Variants in CAMK2D observed in about 807,000 individuals in gnomAD.
CAMK2D encodes calcium/calmodulin dependent protein kinase II delta.
A neutral mutation model predicts 84.0 loss-of-function variants in CAMK2D; 37 were observed. That is an observed-to-expected ratio of 0.44 (90% CI 0.34 to 0.58). The LOEUF (loss-of-function observed/expected upper bound fraction) is 0.58. Ranked by LOEUF, CAMK2D falls within the 20% of genes least tolerant of loss-of-function variation. The pLI is 0.02. For synonymous variants in CAMK2D, 202 were observed against 212.5 expected (o/e 0.95, Z 0.43); for missense variants, 448 against 652.5 (o/e 0.69, Z 3.41).
At chr4:113,552,650 A>G (rs2098637125) in intron 4 of CAMK2D, among the ~76,000 whole-genome samples, 1 of 152,264 alleles carries the variant, frequency 6.6e-6, no homozygotes, top group Non-Finnish European at 1.5e-5. Context: ...GCACCATGTC[A>G]TATCAGAAGC....
rs539128177 is a variant in CAMK2D at position 113,605,703 on chromosome 4, A to T, written c.275+3449T>A. On this transcript the variant is annotated intron_variant, in intron 4 of 20. Transcript: ENST00000511664. ...TGCTCCCAGTAAATATAGAAAAAAT[A>T]AAAATCCCTGCGTTCCAATAACCTC... Among the ~76,000 whole-genome samples the T allele has an allele frequency of 7.9e-5, 12 of 152,312 alleles. No homozygotes were observed. The South Asian group carries it at 2.1e-3, about 26-fold the overall frequency.
In CAMK2D at chr4:113,761,341, G is replaced by T; in HGVS notation, c.-273C>A. Reference sequence around the variant, plus strand: ...TTCTTCTCCACTGGACGCTCCACCCGCCCCTTTTCCAGTCCCTGTCCCCAA... The same window carrying T: ...TTCTTCTCCACTGGACGCTCCACCCTCCCCTTTTCCAGTCCCTGTCCCCAA... On this transcript the variant is annotated 5_prime_UTR_variant, in exon 1 of 21. Coordinates refer to ENST00000511664, the MANE Select transcript of CAMK2D (RefSeq NM_001321571.2). 7.2e-7 allele frequency: 1 copy of T among 1,385,944 alleles called. No individual in the cohort carries two copies. The highest frequency in any genetic ancestry group is 9.4e-7 in the Non-Finnish European group (1 of 1,068,732). 85.9% of individuals were successfully genotyped at this position (1,385,944 alleles called of 1,614,324 possible).
intron 16 of CAMK2D, among the ~76,000 whole-genome samples, chr4:113,490,174 T>C (rs1039115904): frequency 4.1e-5 from 6 of 146,920 alleles, no homozygotes; most frequent in Non-Finnish European, 9.0e-5. Context: ...ATTTTGGCTT[T>C]TGTTGCCATT....
chr4:113,753,863 A>G, intron 2 of CAMK2D: 6 of 984,788 alleles, frequency 6.1e-6, no homozygotes, highest in South Asian at 9.4e-5. Context: ...TCAATACTAT[A>G]TGAAAGGCTT....
At chr4:113,739,992 C>T (rs2099589142) in intron 2 of CAMK2D, among the ~76,000 whole-genome samples, 1 of 152,156 alleles carries the variant, frequency 6.6e-6, no homozygotes, top group South Asian at 2.1e-4. Context: ...AATATCTAAA[C>T]TATTCCAAGT....
At position 113,493,761 on chromosome 4, in the gene CAMK2D, C is replaced by A. The variant is rs1201554460; in HGVS notation, c.1135+6702G>T. Among the ~76,000 whole-genome samples, 3 of 151,714 alleles carry A rather than the reference C, an allele frequency of 2.0e-5. No individual in the cohort carries two copies. In the South Asian group the frequency reaches 6.2e-4, roughly 32 times the overall value. On this transcript the variant is annotated intron_variant, in intron 16 of 20. Coordinates refer to ENST00000511664, the MANE Select transcript of CAMK2D (RefSeq NM_001321571.2). ...GTTTTCCAACTTGGTTCCATTCTCC[C>A]CATCACTTTCAGGTACACCAATCAG...
chr4:113,760,843 T>C (rs1232648219), intron 1 of CAMK2D, among the ~76,000 whole-genome samples, 161 bp downstream of exon 1: 1 of 151,980 alleles, frequency 6.6e-6, no homozygotes, highest in East Asian at 1.9e-4. Flanking sequence ...CTCCCTCCCT[T>C]TATTAAGACA....
chr4:113,482,414 T>C (rs1241355693), intron 16 of CAMK2D, among the ~76,000 whole-genome samples: 2 of 152,140 alleles, frequency 1.3e-5, no homozygotes, highest in Non-Finnish European at 1.5e-5. Context: ...TGAAGGTGTG[T>C]TAAAAGCACT....
intron 4 of CAMK2D, among the ~76,000 whole-genome samples, chr4:113,601,036 C>A (rs572484703): frequency 6.6e-6 from 1 of 152,104 alleles, no homozygotes; most frequent in African/African-American, 2.4e-5. Context: ...GAATTTATGA[C>A]AATTATCCCT....
chr4:113,635,058 G>A, intron 3 of CAMK2D, among the ~76,000 whole-genome samples: 1 of 152,294 alleles, frequency 6.6e-6, no homozygotes, highest in East Asian at 1.9e-4. Flanking sequence ...CAAGTCACTT[G>A]GTGTCATAGG....
intron 2 of CAMK2D, among the ~76,000 whole-genome samples, chr4:113,702,358 TC>T (rs1215521953): frequency 6.6e-6 from 1 of 152,162 alleles, no homozygotes; most frequent in Admixed American, 6.6e-5. Flanking sequence ...TTATTTACAA[TC>T]CTTTAAAAAT....
chr4:113,481,227 G>T (rs1175733643), intron 16 of CAMK2D, among the ~76,000 whole-genome samples: 1 of 152,092 alleles, frequency 6.6e-6, no homozygotes, highest in Non-Finnish European at 1.5e-5. Context: ...ACATGTCATG[G>T]TTGGTATCCA....
intron 8 of CAMK2D, among the ~76,000 whole-genome samples, chr4:113,525,844 A>C (rs1410219316): frequency 6.6e-6 from 1 of 152,280 alleles, no homozygotes; most frequent in East Asian, 1.9e-4. Context: ...CTTGAAAATA[A>C]GTCACTACTT....
chr4:113,694,702 A>G lies in CAMK2D; in HGVS notation c.161-32930T>C, dbSNP rs181864931. Among the ~76,000 whole-genome samples the G allele has an allele frequency of 1.2e-3, 179 of 152,316 alleles. 1 individual carries two copies. The highest frequency in any genetic ancestry group is 4.1e-3 in the African/African-American group (171 of 41,578). ...TATGATAAAAAAGAAAGTAATTTAT[A>G]AGAACATTGTCAAAAATGTCAAAAG... On this transcript the variant is annotated intron_variant, in intron 2 of 20. Coordinates refer to ENST00000511664, the MANE Select transcript of CAMK2D (RefSeq NM_001321571.2).
intron 2 of CAMK2D, among the ~76,000 whole-genome samples, chr4:113,708,959 T>G (rs954996241): frequency 6.6e-6 from 1 of 152,120 alleles, no homozygotes; most frequent in African/African-American, 2.4e-5. Context: ...TGGCCTCAAG[T>G]GATCTACCCA....
chr4:113,621,313 A>C (rs897383005), intron 3 of CAMK2D, among the ~76,000 whole-genome samples: 1 of 152,182 alleles, frequency 6.6e-6, no homozygotes. Flanking sequence ...GCCAGATGAA[A>C]TACTGTAAAA....
chr4:113,604,678 C>G (rs1043056222), intron 4 of CAMK2D, among the ~76,000 whole-genome samples: 1 of 152,182 alleles, frequency 6.6e-6, no homozygotes, highest in Admixed American at 6.5e-5. Context: ...ATAACCCAAA[C>G]AAATACCATT....
intron 4 of CAMK2D, among the ~76,000 whole-genome samples, chr4:113,595,390 AAC>A (rs1041758897): frequency 1.3e-5 from 2 of 152,062 alleles, no homozygotes; most frequent in Non-Finnish European, 2.9e-5. Flanking sequence ...TCTAATAGGT[AAC>A]AGTTTGTCCA....
chr4:113,531,708 C>T (rs2098459492), intron 7 of CAMK2D, among the ~76,000 whole-genome samples: 1 of 152,098 alleles, frequency 6.6e-6, no homozygotes, highest in Non-Finnish European at 1.5e-5. Flanking sequence ...TCACTGTGTA[C>T]TGTTAAATAA....
Sources: allele counts gnomAD v4.1 joint callset (sites outside exome capture counted in the v4.1 genomes callset), GRCh38; gene constraint gnomAD v4.1.1; transcripts MANE v1.5; gene names NCBI Gene and HGNC (gene_info 2026-07-23, HGNC 2026-07-21).